Variants in CCBE1 observed in about 807,000 individuals in gnomAD.
The protein encoded by CCBE1 is collagen and calcium-binding EGF domain-containing protein 1.
In CCBE1, 37 loss-of-function variants were observed where a neutral mutation model predicts 50.0. The ratio of observed to expected loss-of-function variants is 0.74; its 90% CI spans 0.57 to 0.97. The LOEUF (loss-of-function observed/expected upper bound fraction) is 0.97. Ranked by LOEUF, CCBE1 falls within the 50% of genes least tolerant of loss-of-function variation. The probability of loss-of-function intolerance (pLI) is 0.00; values close to 1 mark genes in which losing one functional copy is unlikely to be tolerated. For missense variants in CCBE1, 538 were observed against 523.8 expected (o/e 1.03, Z -0.26); for synonymous variants, 234 against 203.7 (o/e 1.15, Z -1.27).
chr18:59,433,607 A>T lies in CCBE1; in HGVS notation c.*2301T>A, dbSNP rs1352854440. ...GTGGCATTCAAACACAACAAAAGGG[A>T]TATTTTTTTTTTTTTGAGACAGAGT... is the stretch of plus-strand genomic sequence containing the variant. On this transcript the variant is annotated 3_prime_UTR_variant, in exon 11 of 11. Transcript: ENST00000439986. The T allele has an allele frequency of 5.7e-5, 3 of 52,956 alleles. No individual in the cohort carries two copies. Among genetic ancestry groups the T allele is most frequent in the Non-Finnish European group, 1.1e-4 (3 of 27,472 alleles). The allele number at this position is 52,956 out of a possible 1,614,324, so 3.3% of individuals were successfully genotyped here.
chr18:59,596,664 C>T (rs2053354915), intron 2 of CCBE1, among the ~76,000 whole-genome samples: 1 of 152,212 alleles, frequency 6.6e-6, no homozygotes, highest in Non-Finnish European at 1.5e-5. Context: ...GAGCTCATAT[C>T]CACGTCTCTC....
At chr18:59,613,780 A>C (rs559444500) in intron 2 of CCBE1, among the ~76,000 whole-genome samples, 4 of 151,192 alleles carry the variant, frequency 2.6e-5, no homozygotes, top group Non-Finnish European at 4.4e-5. Flanking sequence ...GTTCTTAATG[A>C]CTTTCACAAT....
At chr18:59,688,219 C>G (rs1337518177) in intron 2 of CCBE1, 1 of 152,082 alleles carries the variant, frequency 6.6e-6, no homozygotes, top group African/African-American at 2.4e-5. Context: ...TGCCTATAAT[C>G]CCAACACTTT....
At chr18:59,455,075 A>G in intron 5 of CCBE1, 124 bp from the exon 6 acceptor site, 1 of 760,576 alleles carries the variant, frequency 1.3e-6, no homozygotes, top group Non-Finnish European at 2.3e-6. Context: ...CGAGGGCTCA[A>G]CTGTGGGTGA....
chr18:59,611,001 A>G (rs1428096714), intron 2 of CCBE1, among the ~76,000 whole-genome samples: 1 of 152,248 alleles, frequency 6.6e-6, no homozygotes, highest in Non-Finnish European at 1.5e-5. Flanking sequence ...AGCTTCCTGA[A>G]TACTTTCACT....
chr18:59,508,673 T>C (rs991420969), intron 2 of CCBE1, among the ~76,000 whole-genome samples: 1 of 149,502 alleles, frequency 6.7e-6, no homozygotes, highest in African/African-American at 2.5e-5. Flanking sequence ...AGATAACTTA[T>C]GTAAAATGGT....
At chr18:59,538,791 T>A (rs868163078) in intron 2 of CCBE1, among the ~76,000 whole-genome samples, 2 of 152,352 alleles carry the variant, frequency 1.3e-5, no homozygotes, top group African/African-American at 4.8e-5. Context: ...CTGGTATTTA[T>A]GTCCCTGTGT....
intron 3 of CCBE1, among the ~76,000 whole-genome samples, chr18:59,471,866 T>G (rs777780783): frequency 2.6e-5 from 4 of 152,230 alleles, no homozygotes; most frequent in Non-Finnish European, 5.9e-5. Context: ...TCCATCCCAC[T>G]AGCAGACTGT....
rs187314496 is a variant in CCBE1, at chr18:59,576,355, C to T, written c.213-96117G>A. ...TTCATAAGAGAATATCAGTGTTTTCCGAAATGGCTGTACCATTCAGATGGC... is the reference window on the plus strand; with the variant it reads ...TTCATAAGAGAATATCAGTGTTTTCTGAAATGGCTGTACCATTCAGATGGC... On this transcript the variant is annotated intron_variant, in intron 2 of 10. Coordinates refer to ENST00000439986, the MANE Select transcript of CCBE1 (RefSeq NM_133459.4). Among the ~76,000 whole-genome samples the T allele has an allele frequency of 2.4e-3, 364 of 152,264 alleles. 1 individual carries two copies. The highest frequency in any genetic ancestry group is 3.3e-3 in the Non-Finnish European group (224 of 68,014).
chr18:59,605,824 G>A (rs575563178), intron 2 of CCBE1, among the ~76,000 whole-genome samples: 2 of 152,274 alleles, frequency 1.3e-5, no homozygotes, highest in South Asian at 2.1e-4. Context: ...CCAAGTGGAC[G>A]ACTGCTAGGG....
rs969854270 is a variant in CCBE1, at chr18:59,435,735, G to A, written c.*173C>T. On this transcript the variant is annotated 3_prime_UTR_variant, in exon 11 of 11. Transcript: ENST00000439986. ...TCCCTCATGTCTGCAGGCCTAGGAG[G>A]GGACTCTGAAAATAGCATCGTATTT... 22 of 711,246 alleles carry A rather than the reference G, an allele frequency of 3.1e-5. No homozygotes were observed. In the Admixed American group the frequency reaches 4.1e-4, roughly 13 times the overall value. 44.1% of individuals were successfully genotyped at this position (711,246 alleles called of 1,614,324 possible).
chr18:59,572,374 CTGT>C (rs1412430537), intron 2 of CCBE1, among the ~76,000 whole-genome samples: 1 of 152,182 alleles, frequency 6.6e-6, no homozygotes, highest in Non-Finnish European at 1.5e-5. Flanking sequence ...CCTGGATTTC[CTGT>C]TATTACAGAT....
chr18:59,505,376 T>C (rs537012227), intron 2 of CCBE1, among the ~76,000 whole-genome samples: 1 of 152,324 alleles, frequency 6.6e-6, no homozygotes, highest in South Asian at 2.1e-4. Flanking sequence ...GAAATGTTCA[T>C]CATGATAAAG....
chr18:59,441,374 G>A (rs531391609), intron 7 of CCBE1, among the ~76,000 whole-genome samples: 2 of 152,098 alleles, frequency 1.3e-5, no homozygotes, highest in Non-Finnish European at 2.9e-5. Context: ...GTCAGGTGTG[G>A]TGGTGGGTAC....
intron 2 of CCBE1, among the ~76,000 whole-genome samples, chr18:59,590,598 T>C (rs774641400): frequency 6.6e-6 from 1 of 152,084 alleles, no homozygotes; most frequent in African/African-American, 2.4e-5. Context: ...AGGAGGAATA[T>C]CCCAGACAGA....
intron 2 of CCBE1, among the ~76,000 whole-genome samples, chr18:59,505,796 G>C (rs939145719): frequency 6.6e-6 from 1 of 152,222 alleles, no homozygotes; most frequent in East Asian, 1.9e-4. Flanking sequence ...ATAAGTTCAT[G>C]CTTACACAGG....
At chr18:59,524,284 C>A (rs905702913) in intron 2 of CCBE1, among the ~76,000 whole-genome samples, 1 of 152,176 alleles carries the variant, frequency 6.6e-6, no homozygotes, top group African/African-American at 2.4e-5. Context: ...TGCGCCACTG[C>A]ACTACAGCCT....
chr18:59,612,306 G>GA (rs1195032128), intron 2 of CCBE1, among the ~76,000 whole-genome samples: 5 of 48,112 alleles, frequency 1.0e-4, no homozygotes, highest in Admixed American at 6.6e-4. Flanking sequence ...AAAAAAAAAA[G>GA]AAAAAAAAAG....
At chr18:59,582,797 A>G (rs542160980) in intron 2 of CCBE1, among the ~76,000 whole-genome samples, 2 of 152,284 alleles carry the variant, frequency 1.3e-5, no homozygotes, top group African/African-American at 4.8e-5. Flanking sequence ...CAAAGGAAAA[A>G]GTCAAACTTT....
Sources: allele counts gnomAD v4.1 joint callset (sites outside exome capture counted in the v4.1 genomes callset), GRCh38; gene constraint gnomAD v4.1.1; transcripts MANE v1.5; gene names NCBI Gene and HGNC (gene_info 2026-07-23, HGNC 2026-07-21).